REV3L: variants seen among roughly 807,000 people sequenced by gnomAD.
REV3L encodes DNA polymerase zeta catalytic subunit.
In REV3L, 69 loss-of-function variants were observed where a neutral mutation model predicts 299.4. The observed-to-expected ratio is 0.23, with a 90% CI of 0.19 to 0.28. The LOEUF (loss-of-function observed/expected upper bound fraction) is 0.28, where lower values mean the gene tolerates loss of function less well. Among genes scored for constraint, REV3L ranks in the 10% least tolerant of loss-of-function variants. The pLI, the probability that REV3L is intolerant of heterozygous loss-of-function variation, is 1.00. For missense variants in REV3L, 3,128 were observed against 3,693.8 expected, an observed-to-expected ratio of 0.85 and a Z score of 3.97; for synonymous variants, 1,238 against 1,271.4, an observed-to-expected ratio of 0.97 and a Z score of 0.56.
In REV3L at chr6:111,333,220, C is replaced by G. The variant is rs1406901762; in HGVS notation, c.7828G>C (p.Val2610Leu). 2 of 1,614,008 alleles carry G rather than the reference C, an allele frequency of 1.2e-6. No individual in the cohort carries two copies. The highest frequency in any genetic ancestry group is 2.2e-5 in the South Asian group (2 of 91,076). ...AGTGATTGGAAATCCAAAACGAGAA[C>G]AGAGTTGCTATAGAAGCGGGATTCA... is the stretch of plus-strand genomic sequence containing the variant. ...EPESRFYSNS[V>L]LVLDFQSLYP... Residue 2610 changes from valine to leucine, a missense_variant, in exon 23 of 32, where the codon GTT (valine) becomes CTT (leucine). Val to Leu is a conservative substitution (Grantham distance 32). Transcript: ENST00000368802.
intron 20 of REV3L, among the ~76,000 whole-genome samples, chr6:111,347,291 A>AATAT (rs1037889372): frequency 3.3e-5 from 5 of 150,544 alleles, no homozygotes; most frequent in African/African-American, 9.7e-5. Flanking sequence ...AATAAAAAAA[A>AATAT]ATATATATAT....
intron 30 of REV3L, 109 bp from the exon 31 acceptor site, chr6:111,307,679 T>C (rs1483925991): frequency 1.0e-6 from 1 of 985,810 alleles, no homozygotes; most frequent in Non-Finnish European, 1.5e-6. Context: ...GTTCATTCAC[T>C]CATTCAACAA....
At chr6:111,480,400 G>T (rs1793471037) in intron 1 of REV3L, among the ~76,000 whole-genome samples, 1 of 152,080 alleles carries the variant, frequency 6.6e-6, no homozygotes, top group South Asian at 2.1e-4. Context: ...TACTAAGTCA[G>T]ACTGGCCTCT....
chr6:111,453,398 G>A (rs1562335649), intron 1 of REV3L, among the ~76,000 whole-genome samples: 1 of 152,070 alleles, frequency 6.6e-6, no homozygotes, highest in Admixed American at 6.5e-5. Context: ...GGAAAATAGA[G>A]GTATCTCCAT....
chr6:111,322,467 C>G, intron 26 of REV3L, 102 bp downstream of exon 26: 2 of 835,386 alleles, frequency 2.4e-6, no homozygotes, highest in Non-Finnish European at 4.0e-6. Flanking sequence ...AGGACTCAGA[C>G]AGAACTCTGT....
At chr6:111,390,432 A>G (rs1781803995) in intron 5 of REV3L, among the ~76,000 whole-genome samples, 1 of 152,148 alleles carries the variant, frequency 6.6e-6, no homozygotes, top group Non-Finnish European at 1.5e-5. Context: ...GGTTCATTAT[A>G]TTTTATATAA....
In REV3L at chr6:111,300,101, T is replaced by A. The variant is rs771205107; in HGVS notation, c.9308A>T (p.Asn3103Ile). ...GGAGAGTTTGAAAAGTACTGGGCAGTTCAGAGAAACACATGGGATGTGTCG... is the reference window on the plus strand; with the variant it reads ...GGAGAGTTTGAAAAGTACTGGGCAGATCAGAGAAACACATGGGATGTGTCG... Reference protein sequence around the residue: ...FDRHIPCVSLNCPVLFKLSRV... With the variant: ...FDRHIPCVSLICPVLFKLSRV... The change falls in exon 32 of 32, where the codon AAC becomes ATC. Residue 3103 changes from asparagine (N) to isoleucine (I), a missense_variant. Coordinates refer to ENST00000368802, the MANE Select transcript of REV3L (RefSeq NM_001372078.1). 13 of 1,613,184 alleles carry A rather than the reference T, an allele frequency of 8.1e-6. No homozygotes were observed. Among genetic ancestry groups the A allele is most frequent in the Non-Finnish European group, 1.1e-5 (13 of 1,179,540 alleles).
chr6:111,321,291 A>G (rs1774165074), intron 26 of REV3L, among the ~76,000 whole-genome samples: 1 of 152,206 alleles, frequency 6.6e-6, no homozygotes, highest in South Asian at 2.1e-4. Context: ...TTGACTTCTT[A>G]CAGATCTTAA....
chr6:111,466,645 T>C (rs1583099658), intron 1 of REV3L, among the ~76,000 whole-genome samples: 1 of 152,314 alleles, frequency 6.6e-6, no homozygotes, highest in South Asian at 2.1e-4. Flanking sequence ...AAGACCAGCC[T>C]GGCCAACATG....
rs1777366792 is a variant in REV3L, at chr6:111,349,460, T to C, written c.7301-124A>G. The stretch of plus-strand genomic sequence containing the variant: ...TAAAGATGAAATATAATTCACAATG[T>C]ATGAAAAAATTTTGTGAAATAAATA... On this transcript the variant is annotated intron_variant, in intron 19 of 31. Transcript: ENST00000368802. The C allele has an allele frequency of 6.4e-6, 3 of 470,426 alleles. No homozygotes were observed. In the East Asian group the frequency reaches 9.7e-5, roughly 15 times the overall value. The allele number at this position is 470,426 out of a possible 1,614,324, so 29.1% of individuals were successfully genotyped here.
chr6:111,389,734 T>A (rs1781713166), intron 6 of REV3L, among the ~76,000 whole-genome samples: 1 of 102,634 alleles, frequency 9.7e-6, no homozygotes, highest in Non-Finnish European at 2.4e-5. Flanking sequence ...TTAATTTTTT[T>A]TTTTTTTTTT....
chr6:111,390,685 T>C (rs1781831113), intron 5 of REV3L, among the ~76,000 whole-genome samples: 1 of 152,196 alleles, frequency 6.6e-6, no homozygotes, highest in Non-Finnish European at 1.5e-5. Context: ...AGATAGGGAA[T>C]ACTTTAAAAT....
intron 21 of REV3L, among the ~76,000 whole-genome samples, chr6:111,343,721 G>A (rs1435542430): frequency 6.6e-6 from 1 of 152,062 alleles, no homozygotes; most frequent in African/African-American, 2.4e-5. Context: ...GTAGAGATGG[G>A]GTTTCACCAT....
chr6:111,307,283 A>G (rs1772421317), intron 31 of REV3L, 78 bp downstream of exon 31: 14 of 1,254,534 alleles, frequency 1.1e-5, no homozygotes, highest in Non-Finnish European at 1.6e-5. Context: ...TGTATCTCAC[A>G]CTATAATTCA....
At chr6:111,331,908 T>C (rs1049359451) in intron 23 of REV3L, 124 bp from the exon 24 acceptor site, 4 of 654,064 alleles carry the variant, frequency 6.1e-6, no homozygotes, top group Non-Finnish European at 1.1e-5. Context: ...CAAGAATTCA[T>C]GTACTTAGTA....
chr6:111,303,247 C>T (rs1771812680), intron 31 of REV3L, among the ~76,000 whole-genome samples: 1 of 145,586 alleles, frequency 6.9e-6, no homozygotes, highest in African/African-American at 2.5e-5. Flanking sequence ...TCTCAGTTCA[C>T]TGCAACCTCT....
At position 111,387,746 on chromosome 6, in the gene REV3L, C is replaced by G. The variant is rs1781489149; in HGVS notation, c.1096+19G>C. 6.2e-7 allele frequency: 1 copy of G among 1,609,510 alleles called. No homozygotes were observed. The highest frequency in any genetic ancestry group is 8.5e-7 in the Non-Finnish European group (1 of 1,176,444). ...TATCTGTTCTAGTAGTTTCTGTATA[C>G]ATGAAAAGAAAATCTTACCTTTGCT... On this transcript the variant is annotated intron_variant, in intron 9 of 31. Transcript: ENST00000368802.
intron 9 of REV3L, 142 bp from the exon 10 acceptor site, chr6:111,381,586 A>G (rs17510789): frequency 0.14 from 92,072 of 664,448 alleles, 7,980 homozygotes; most frequent in Middle Eastern, 0.22. Context: ...CCAAATAAAA[A>G]CATAATAAAA....
At chr6:111,421,349 G>C (rs183353187) in intron 1 of REV3L, among the ~76,000 whole-genome samples, 158 of 152,210 alleles carry the variant, frequency 1.0e-3, no homozygotes, top group Non-Finnish European at 1.7e-3. Flanking sequence ...TCTAATTTGG[G>C]GGTCTGAAAA....
Sources: allele counts gnomAD v4.1 joint callset (sites outside exome capture counted in the v4.1 genomes callset), GRCh38; gene constraint gnomAD v4.1.1; transcripts MANE v1.5; gene names NCBI Gene and HGNC (gene_info 2026-07-23, HGNC 2026-07-21).